TBC1D5: variants seen among roughly 807,000 people sequenced by gnomAD.
The protein encoded by TBC1D5 is TBC1 domain family, member 5.
In TBC1D5, 75 loss-of-function variants were observed where a neutral mutation model predicts 100.3. The observed-to-expected ratio is 0.75, with a 90% CI of 0.62 to 0.91. The LOEUF is 0.91. Ranked by LOEUF, TBC1D5 falls within the 40% of genes least tolerant of loss-of-function variation. The probability of loss-of-function intolerance (pLI) is 0.00; values close to 1 mark genes in which losing one functional copy is unlikely to be tolerated. For synonymous variants in TBC1D5, 323 were observed against 325.6 expected (o/e 0.99, Z 0.09); for missense variants, 910 against 942.4 (o/e 0.97, Z 0.45).
intron 3 of TBC1D5, among the ~76,000 whole-genome samples, chr3:17,449,030 C>T (rs539104371): frequency 2.0e-5 from 3 of 152,282 alleles, no homozygotes; most frequent in South Asian, 2.1e-4. Flanking sequence ...TTTTCAACTG[C>T]GGTACCCTTC....
intron 14 of TBC1D5, among the ~76,000 whole-genome samples, chr3:17,303,171 C>T (rs2083032962): frequency 6.6e-6 from 1 of 152,238 alleles, no homozygotes; most frequent in Non-Finnish European, 1.5e-5. Flanking sequence ...CTCTAAGCCT[C>T]ACCCTCTCAG....
At chr3:17,578,804 T>C (rs1410672776) in intron 2 of TBC1D5, among the ~76,000 whole-genome samples, 1 of 152,042 alleles carries the variant, frequency 6.6e-6, no homozygotes, top group Non-Finnish European at 1.5e-5. Context: ...TGAATGGCAA[T>C]TATGTGGGTA....
At chr3:17,591,254 A>AAAAC (rs2096768357) in intron 2 of TBC1D5, among the ~76,000 whole-genome samples, 1 of 132,934 alleles carries the variant, frequency 7.5e-6, no homozygotes, top group Non-Finnish European at 1.6e-5. Context: ...AAAAAAAAAA[A>AAAAC]AAAAAAAAAA....
intron 3 of TBC1D5, among the ~76,000 whole-genome samples, chr3:17,447,757 A>G (rs1690862842): frequency 6.6e-6 from 1 of 152,234 alleles, no homozygotes; most frequent in Non-Finnish European, 1.5e-5. Flanking sequence ...TACATCCTAA[A>G]CTGGCTGGCA....
At chr3:17,364,708 G>A (rs1001482914) in intron 13 of TBC1D5, among the ~76,000 whole-genome samples, 23 of 152,016 alleles carry the variant, frequency 1.5e-4, no homozygotes, top group African/African-American at 5.3e-4. Flanking sequence ...CATAACTAAC[G>A]TTTGATAGCT....
At chr3:17,483,132 C>T (rs1235765536) in intron 3 of TBC1D5, among the ~76,000 whole-genome samples, 3 of 152,114 alleles carry the variant, frequency 2.0e-5, no homozygotes, top group Non-Finnish European at 2.9e-5. Flanking sequence ...CTCTCACACC[C>T]GAACTTCGAC....
chr3:17,435,969 C>G (rs1393761348), intron 3 of TBC1D5, among the ~76,000 whole-genome samples: 2 of 152,324 alleles, frequency 1.3e-5, no homozygotes, highest in South Asian at 4.1e-4. Flanking sequence ...CAGAGCCAGT[C>G]TGCAAAGACA....
intron 1 of TBC1D5, among the ~76,000 whole-genome samples, chr3:17,700,866 T>C (rs2073071249): frequency 2.0e-5 from 3 of 152,100 alleles, no homozygotes. Context: ...ATAGGAACAC[T>C]TTTACACTGT....
At chr3:17,291,460 G>A (rs1365846527) in intron 15 of TBC1D5, among the ~76,000 whole-genome samples, 4 of 152,144 alleles carry the variant, frequency 2.6e-5, no homozygotes, top group Non-Finnish European at 4.4e-5. Context: ...ATAATTTAGT[G>A]TTTCATTGTA....
intron 14 of TBC1D5, among the ~76,000 whole-genome samples, chr3:17,297,800 G>A (rs1397870380): frequency 6.6e-6 from 1 of 151,216 alleles, no homozygotes; most frequent in Admixed American, 6.6e-5. Flanking sequence ...ACGTTGCCCA[G>A]GCTGGTCTTG....
intron 1 of TBC1D5, among the ~76,000 whole-genome samples, chr3:17,699,567 T>C (rs199972643): frequency 6.9e-6 from 1 of 145,624 alleles, no homozygotes; most frequent in East Asian, 2.1e-4. Flanking sequence ...TTTTTAAAAT[T>C]ACCATAATAA....
At chr3:17,704,836 C>G (rs1266353709) in intron 1 of TBC1D5, among the ~76,000 whole-genome samples, 215 of 99,370 alleles carry the variant, frequency 2.2e-3, no homozygotes, top group African/African-American at 8.3e-3. Context: ...CTGACCCCCC[C>G]ACCTCCCTCC....
intron 13 of TBC1D5, among the ~76,000 whole-genome samples, chr3:17,341,275 C>A (rs1437637373): frequency 6.6e-6 from 1 of 152,116 alleles, no homozygotes; most frequent in Non-Finnish European, 1.5e-5. Flanking sequence ...CCGCTCACTG[C>A]AAGCTCTGCC....
At chr3:17,545,162 T>C (rs977649000) in intron 2 of TBC1D5, among the ~76,000 whole-genome samples, 1 of 152,146 alleles carries the variant, frequency 6.6e-6, no homozygotes, top group Non-Finnish European at 1.5e-5. Flanking sequence ...TAACCCCCAG[T>C]AACCTCAGTG....
At chr3:17,564,309 G>A (rs1414358208) in intron 2 of TBC1D5, among the ~76,000 whole-genome samples, 1 of 152,076 alleles carries the variant, frequency 6.6e-6, no homozygotes, top group Admixed American at 6.6e-5. Flanking sequence ...TCTCTTTCAT[G>A]ATAGCCATAC....
intron 19 of TBC1D5, among the ~76,000 whole-genome samples, chr3:17,170,911 AG>A (rs1424092394): frequency 6.6e-6 from 1 of 152,196 alleles, no homozygotes; most frequent in Non-Finnish European, 1.5e-5. Context: ...TTAACTGGCA[AG>A]TTCAAGCCCT....
chr3:17,372,633 T>A (rs986004059), intron 12 of TBC1D5, among the ~76,000 whole-genome samples: 14 of 152,146 alleles, frequency 9.2e-5, no homozygotes, highest in Non-Finnish European at 1.6e-4. Context: ...GTCACTGAGT[T>A]TCTCACCTAG....
At chr3:17,699,708 T>C (rs1042945886) in intron 1 of TBC1D5, among the ~76,000 whole-genome samples, 3 of 150,248 alleles carry the variant, frequency 2.0e-5, no homozygotes, top group African/African-American at 7.3e-5. Context: ...TTTACATATA[T>C]AGTTTTAATT....
chr3:17,612,844 CA>C (rs2061789449), intron 2 of TBC1D5, among the ~76,000 whole-genome samples: 1 of 147,686 alleles, frequency 6.8e-6, no homozygotes, highest in South Asian at 2.1e-4. Context: ...CTTCTATACA[CA>C]AGTAACAATT....
Sources: allele counts gnomAD v4.1 joint callset (sites outside exome capture counted in the v4.1 genomes callset), GRCh38; gene constraint gnomAD v4.1.1; transcripts MANE v1.5; gene names NCBI Gene and HGNC (gene_info 2026-07-23, HGNC 2026-07-21).